The following KCNIP4 variants were observed in gnomAD, a reference collection of about 807,000 sequenced individuals.
The protein encoded by KCNIP4 is Kv channel-interacting protein 4.
KCNIP4 carries 12 observed loss-of-function variants against 34.0 expected under a neutral mutation model. The ratio of observed to expected loss-of-function variants is 0.35; its 90% confidence interval spans 0.23 to 0.57. The LOEUF (loss-of-function observed/expected upper bound fraction) is 0.57, where lower values mean the gene tolerates loss of function less well. Among genes scored for constraint, KCNIP4 ranks in the 20% least tolerant of loss-of-function variants. The pLI is 0.83. For synonymous variants in KCNIP4, 124 were observed against 102.2 expected (o/e 1.21, Z -1.29); for missense variants, 238 against 311.7 (o/e 0.76, Z 1.78).
intron 1 of KCNIP4, among the ~76,000 whole-genome samples, chr4:21,694,119 A>G (rs1327002848): frequency 3.3e-5 from 5 of 152,210 alleles, no homozygotes; most frequent in African/African-American, 4.8e-5. Context: ...TCAAAACATG[A>G]TATCTGCAAT....
intron 1 of KCNIP4, among the ~76,000 whole-genome samples, chr4:21,920,740 C>G (rs1258223195): frequency 1.3e-5 from 2 of 152,140 alleles, no homozygotes; most frequent in Non-Finnish European, 2.9e-5. Flanking sequence ...CAATGGAGAT[C>G]CTATAACCAA....
rs75249234 is a variant in KCNIP4 at position 21,744,056 on chromosome 4, C to T, written c.61+204515G>A. 8.7e-3 allele frequency among the ~76,000 whole-genome samples: 1,329 copies of T among 152,182 alleles called. 19 individuals carry two copies. Among genetic ancestry groups the T allele is most frequent in the South Asian group, 0.039 (188 of 4,816 alleles). ...TGGAGAAGAATTCTACCAAGCTCAA[C>T]TGCTATTTAATGAGCTACTACTGCA... On this transcript the variant is annotated intron_variant, in intron 1 of 8. Coordinates refer to ENST00000382152, the MANE Select transcript of KCNIP4 (RefSeq NM_025221.6).
rs144827977 is a variant in KCNIP4 at position 21,037,867 on chromosome 4, C to T, written c.62-155158G>A. On this transcript the variant is annotated intron_variant, in intron 1 of 8. Coordinates refer to ENST00000382152, the MANE Select transcript of KCNIP4 (RefSeq NM_025221.6). ...CTCAAATGAAGAGAATTATTGTCAG[C>T]ATTTAGCTTGATCTTTCTCATTAAT... 9.2e-3 allele frequency among the ~76,000 whole-genome samples: 1,395 copies of T among 152,264 alleles called. 16 individuals are homozygous for T. The highest frequency in any genetic ancestry group is 0.029 in the African/African-American group (1,207 of 41,558).
chr4:21,138,767 G>A (rs1249135088), intron 1 of KCNIP4, among the ~76,000 whole-genome samples: 1 of 152,104 alleles, frequency 6.6e-6, no homozygotes, highest in African/African-American at 2.4e-5. Context: ...GAGGTGGGAG[G>A]CTGAGTGTCA....
At chr4:20,864,258 A>G (rs771512603) in intron 2 of KCNIP4, among the ~76,000 whole-genome samples, 1 of 151,256 alleles carries the variant, frequency 6.6e-6, no homozygotes, top group South Asian at 2.1e-4. Flanking sequence ...ATATATGCAC[A>G]CATATGTATG....
At chr4:20,915,330 G>A (rs1441821495) in intron 1 of KCNIP4, among the ~76,000 whole-genome samples, 2 of 152,122 alleles carry the variant, frequency 1.3e-5, no homozygotes, top group Non-Finnish European at 2.9e-5. Flanking sequence ...TGAGAAAGTG[G>A]CTCATTACTT....
chr4:21,151,060 A>G (rs1423370370), intron 1 of KCNIP4, among the ~76,000 whole-genome samples: 1 of 152,208 alleles, frequency 6.6e-6, no homozygotes, highest in Non-Finnish European at 1.5e-5. Context: ...GATTTATTTA[A>G]ATAGTTCTAA....
chr4:21,484,809 GAACTTT>G (rs1183370004), intron 1 of KCNIP4, among the ~76,000 whole-genome samples: 1 of 152,028 alleles, frequency 6.6e-6, no homozygotes, highest in African/African-American at 2.4e-5. Context: ...ACTCTCACAG[GAACTTT>G]AACATTTTGT....
At chr4:21,173,890 C>T (rs757456382) in intron 1 of KCNIP4, among the ~76,000 whole-genome samples, 10 of 152,180 alleles carry the variant, frequency 6.6e-5, no homozygotes, top group South Asian at 2.1e-4. Flanking sequence ...CGCCCAGCTG[C>T]GCCCAAGTAG....
At chr4:21,185,598 G>T (rs1388399653) in intron 1 of KCNIP4, among the ~76,000 whole-genome samples, 1 of 151,948 alleles carries the variant, frequency 6.6e-6, no homozygotes, top group Admixed American at 6.6e-5. Context: ...TGAGAAATGG[G>T]GCTAGAAATA....
At chr4:21,223,628 C>T (rs1318386646) in intron 1 of KCNIP4, among the ~76,000 whole-genome samples, 1 of 152,142 alleles carries the variant, frequency 6.6e-6, no homozygotes, top group East Asian at 1.9e-4. Flanking sequence ...TTGGTATGTC[C>T]CATGTTATCA....
chr4:21,226,608 G>C (rs1359510805), intron 1 of KCNIP4, among the ~76,000 whole-genome samples: 3 of 150,246 alleles, frequency 2.0e-5, no homozygotes, highest in African/African-American at 7.3e-5. Context: ...ACAATGAAAT[G>C]CTATAATATC....
At chr4:21,745,485 C>T (rs767560981) in intron 1 of KCNIP4, among the ~76,000 whole-genome samples, 33 of 152,066 alleles carry the variant, frequency 2.2e-4, no homozygotes, top group Non-Finnish European at 4.1e-4. Context: ...TTACATGAGA[C>T]AGTTCAGGGC....
chr4:21,126,990 C>A (rs1361551434), intron 1 of KCNIP4, among the ~76,000 whole-genome samples: 1 of 152,194 alleles, frequency 6.6e-6, no homozygotes, highest in African/African-American at 2.4e-5. Context: ...TCTCACCTGA[C>A]CTTGAAGGTC....
At chr4:21,479,236 C>T (rs1025583296) in intron 1 of KCNIP4, among the ~76,000 whole-genome samples, 9 of 152,150 alleles carry the variant, frequency 5.9e-5, no homozygotes, top group African/African-American at 2.2e-4. Flanking sequence ...TAGTCTCATC[C>T]TGCTGCTGCT....
In KCNIP4 at chr4:20,934,097, A is replaced by T. The variant is rs551679770; in HGVS notation, c.62-51388T>A. On this transcript the variant is annotated intron_variant, in intron 1 of 8. Transcript: ENST00000382152. ...TTCCTATATAAATAGCAAAAATTATAGAAGGCAAATCTAGGAGTGATGCTA... is the reference window on the plus strand; with the variant it reads ...TTCCTATATAAATAGCAAAAATTATTGAAGGCAAATCTAGGAGTGATGCTA... Among the ~76,000 whole-genome samples, 172 of 152,314 alleles carry T rather than the reference A, an allele frequency of 1.1e-3. 1 individual carries two copies. Among genetic ancestry groups the T allele is most frequent in the Admixed American group, 1.6e-3 (25 of 15,294 alleles).
intron 1 of KCNIP4, among the ~76,000 whole-genome samples, chr4:21,895,614 T>C (rs1174468702): frequency 6.6e-6 from 1 of 152,188 alleles, no homozygotes; most frequent in Non-Finnish European, 1.5e-5. Context: ...AACATAAATG[T>C]TCAACTATTA....
At chr4:21,103,359 A>G (rs1748130575) in intron 1 of KCNIP4, among the ~76,000 whole-genome samples, 1 of 146,998 alleles carries the variant, frequency 6.8e-6, no homozygotes, top group Admixed American at 6.9e-5. Context: ...TATAATATAT[A>G]TAATATATAA....
At chr4:21,510,874 T>TA (rs1271024169) in intron 1 of KCNIP4, among the ~76,000 whole-genome samples, 3 of 52,366 alleles carry the variant, frequency 5.7e-5, no homozygotes, top group Non-Finnish European at 1.4e-4. Flanking sequence ...AAATAAAAAT[T>TA]AAAAAAATAA....
Sources: gnomAD v4.1 joint callset for allele counts (sites outside exome capture counted in the v4.1 genomes callset) on GRCh38, gnomAD v4.1.1 for gene constraint, MANE v1.5 for transcripts, NCBI Gene and HGNC (gene_info 2026-07-23, HGNC 2026-07-21) for gene names.